Variants in DMP1 observed in about 807,000 individuals in gnomAD.
The protein encoded by DMP1 is dentin matrix acidic phosphoprotein 1.
A neutral mutation model predicts 14.6 loss-of-function variants in DMP1; 20 were observed. The ratio of observed to expected loss-of-function variants is 1.37; its 90% CI spans 0.96 to 1.99. The LOEUF (loss-of-function observed/expected upper bound fraction) is 1.99. Ranked by LOEUF, DMP1 falls within the 30% of genes most tolerant of loss-of-function variation. The pLI is 0.00. For missense variants in DMP1, 567 were observed against 620.5 expected (o/e 0.91, Z 0.92); for synonymous variants, 197 against 215.3 (o/e 0.91, Z 0.75).
At position 87,662,909 on chromosome 4, in the gene DMP1, C is replaced by A; in HGVS notation, c.1131C>A (p.Asp377Glu). Residue 377 changes from aspartate (D) to glutamate (E), a missense_variant, in exon 6 of 6, where the codon GAC (aspartate) becomes GAA (glutamate). Asp to Glu is a conservative substitution (Grantham distance 45). Coordinates refer to ENST00000339673, the MANE Select transcript of DMP1 (RefSeq NM_004407.4). Reference protein sequence around the residue: ...NPDPTTSYVEDQEDSDSSEED... With the variant: ...NPDPTTSYVEEQEDSDSSEED... ...ACCCCACAACTAGTTATGTAGAAGA[C>A]CAGGAAGACAGTGACTCCAGCGAGG... 1 of 1,614,170 alleles carries A rather than the reference C, an allele frequency of 6.2e-7. No homozygotes were observed. Among genetic ancestry groups the A allele is most frequent in the Non-Finnish European group, 8.5e-7 (1 of 1,180,036 alleles).
chr4:87,664,233 TTC>T lies in DMP1; in HGVS notation c.*917_*918del, dbSNP rs886059692. 2 of 152,646 alleles carry T rather than the reference TTC, an allele frequency of 1.3e-5. No homozygotes were observed. Among genetic ancestry groups the T allele is most frequent in the Non-Finnish European group, 2.9e-5 (2 of 68,044 alleles). 9.5% of individuals were successfully genotyped at this position (152,646 alleles called of 1,614,324 possible). A position where few individuals can be genotyped will look rare whatever the true frequency, so the allele number is the denominator to read the frequency against. Reference sequence around the variant, plus strand: ...TGCGTGCAATGCTAGAAAAAAACTGTTCTCTGAGTCCTTTACAGAGCAAAATT... The same window carrying T: ...TGCGTGCAATGCTAGAAAAAAACTGTTCTGAGTCCTTTACAGAGCAAAATT... On this transcript the variant is annotated 3_prime_UTR_variant, in exon 6 of 6. Coordinates refer to ENST00000339673, the MANE Select transcript of DMP1 (RefSeq NM_004407.4).
Position 87,656,491 on chromosome 4 carries a change from C to T in DMP1, c.-2C>T, listed in dbSNP as rs1728697788. The T allele has an allele frequency of 6.2e-7, 1 of 1,603,990 alleles. No homozygotes were observed. The highest frequency in any genetic ancestry group is 8.5e-7 in the Non-Finnish European group (1 of 1,170,966). ...TTCCAGGTAGAGGTATCACACCCAA[C>T]TATGAAGATCAGCATCCTGCTCATG... On this transcript the variant is annotated 5_prime_UTR_variant, in exon 2 of 6. Coordinates refer to ENST00000339673, the MANE Select transcript of DMP1 (RefSeq NM_004407.4).
intron 5 of DMP1, 149 bp from the exon 6 acceptor site, chr4:87,661,813 G>A: frequency 7.0e-7 from 1 of 1,419,958 alleles, no homozygotes; most frequent in Admixed American, 2.1e-5. Context: ...TTTAAGCTCT[G>A]GTAGAGAGGT....
intron 2 of DMP1, among the ~76,000 whole-genome samples, 196 bp from the exon 3 acceptor site, chr4:87,656,836 T>A (rs528157814): frequency 1.3e-5 from 2 of 152,306 alleles, no homozygotes; most frequent in Non-Finnish European, 2.9e-5. Flanking sequence ...AAATCCAAAT[T>A]CTTGGACCCT....
At chr4:87,651,845 C>G (rs1451484946) in intron 1 of DMP1, among the ~76,000 whole-genome samples, 1 of 152,116 alleles carries the variant, frequency 6.6e-6, no homozygotes, top group African/African-American at 2.4e-5. Context: ...AAAAAAGAGT[C>G]TATGACTTTT....
chr4:87,658,923 G>A (rs1260754595), intron 3 of DMP1: 5 of 388,868 alleles, frequency 1.3e-5, no homozygotes, highest in Admixed American at 4.2e-5. Context: ...CCTGTGTTAC[G>A]TTTCCTCTAG....
rs1560494445 is a variant in DMP1, at chr4:87,662,710, GAGACAGCAAGGGTGACTCTCAAGA to G, written c.944_967del (p.Gly315_Lys322del). ...GACACTGGCCTCAGCCAACCCAGGA[GAGACAGCAAGGGTGACTCTCAAGA>G]AGACAGCAAGGAGAATCTGTCCCAG... On this transcript the variant is annotated inframe_deletion, in exon 6 of 6. Coordinates refer to ENST00000339673, the MANE Select transcript of DMP1 (RefSeq NM_004407.4). 6.2e-7 allele frequency: 1 copy of G among 1,614,150 alleles called. No individual in the cohort carries two copies.
rs1728718888 is a variant in DMP1 at position 87,657,030 on chromosome 4, A to G, written c.55-2A>G. ...ATTTACCATGTGTACTAAATTTTCT[A>G]GGTAACCAGGTATCAAAATAATGAA... On this transcript the variant is annotated splice_acceptor_variant, in intron 2 of 5. Transcript: ENST00000339673. LOFTEE classifies it high-confidence loss of function. The G allele has an allele frequency of 9.1e-6, 14 of 1,533,728 alleles. No homozygotes were observed. Among genetic ancestry groups the G allele is most frequent in the Non-Finnish European group, 1.3e-5 (14 of 1,107,112 alleles).
intron 5 of DMP1, 144 bp from the exon 6 acceptor site, chr4:87,661,818 A>G (rs1334123327): frequency 2.1e-6 from 3 of 1,450,334 alleles, no homozygotes; most frequent in East Asian, 2.5e-5. Flanking sequence ...GCTCTGGTAG[A>G]GAGGTTATTG....
chr4:87,663,437 T>C lies in DMP1; in HGVS notation c.*117T>C. The C allele has an allele frequency of 1.3e-6, 2 of 1,514,912 alleles. No homozygotes were observed. Among genetic ancestry groups the C allele is most frequent in the South Asian group, 2.3e-5 (2 of 87,548 alleles). The allele number at this position is 1,514,912 out of a possible 1,614,324, so 93.8% of individuals were successfully genotyped here. ...CAAAAGAATAACCAGATGCCATATTTTTCCTGAAAGGAATTGCTGGACATT... is the reference window on the plus strand; with the variant it reads ...CAAAAGAATAACCAGATGCCATATTCTTCCTGAAAGGAATTGCTGGACATT... On this transcript the variant is annotated 3_prime_UTR_variant, in exon 6 of 6. Transcript: ENST00000339673.
Position 87,663,388 on chromosome 4 carries a change from A to C in DMP1, c.*68A>C. On this transcript the variant is annotated 3_prime_UTR_variant, in exon 6 of 6. Transcript: ENST00000339673. ...AGGGACTTGAAAATGTATCATGATA[A>C]CTATAATTTATTGATGTTTTGATCA... The C allele has an allele frequency of 6.2e-7, 1 of 1,608,486 alleles. No individual in the cohort carries two copies. Among genetic ancestry groups the C allele is most frequent in the Non-Finnish European group, 8.5e-7 (1 of 1,175,942 alleles).
intron 1 of DMP1, among the ~76,000 whole-genome samples, chr4:87,655,270 C>T (rs959954721): frequency 6.6e-6 from 1 of 152,122 alleles, no homozygotes; most frequent in Non-Finnish European, 1.5e-5. Context: ...AATTGCGTTC[C>T]TTAAACCATT....
At chr4:87,656,946 A>G in intron 2 of DMP1, 86 bp from the exon 3 acceptor site, 1 of 850,360 alleles carries the variant, frequency 1.2e-6, no homozygotes, top group East Asian at 2.4e-5. Context: ...AAATTTGACT[A>G]TCCCTACTCC....
rs149078199 is a variant in DMP1 at position 87,662,412 on chromosome 4, G to A, written c.634G>A (p.Asp212Asn). The A allele has an allele frequency of 3.0e-4, 485 of 1,614,062 alleles. No homozygotes were observed. Among genetic ancestry groups the A allele is most frequent in the Non-Finnish European group, 3.9e-4 (464 of 1,180,044 alleles). The change falls in exon 6 of 6, where the codon GAT (aspartate) becomes AAT (asparagine). Residue 212 changes from aspartate (D) to asparagine (N), a missense_variant. By Grantham distance (23) the Asp-to-Asn change is conservative. Coordinates refer to ENST00000339673, the MANE Select transcript of DMP1 (RefSeq NM_004407.4). ...CCATGGAGACGGCTCCGAGTTGGAC[G>A]ATGAGGGAATGCAGAGTGATGACCC... ...SSHGDGSELD[D>N]EGMQSDDPES...
rs1053943262 is a variant in DMP1 at position 87,663,290 on chromosome 4, A to G, written c.1512A>G (p.Gln504=). 6.2e-7 allele frequency: 1 copy of G among 1,614,270 alleles called. No individual in the cohort carries two copies. Among genetic ancestry groups the G allele is most frequent in the East Asian group, 2.2e-5 (1 of 44,892 alleles). Reference sequence around the variant, plus strand: ...ATCACAACAAACCCATTGGGGACCAAGATGACAATGACTGCCAAGACGGCT... The same window carrying G: ...ATCACAACAAACCCATTGGGGACCAGGATGACAATGACTGCCAAGACGGCT... ...DAYHNKPIGD[Q]DDNDCQDGY The change falls in exon 6 of 6, where the codon CAA becomes CAG. Residue 504 remains glutamine, a synonymous_variant. Transcript: ENST00000339673.
chr4:87,658,923 G>T, intron 3 of DMP1: 1 of 388,986 alleles, frequency 2.6e-6, no homozygotes, highest in Admixed American at 4.2e-5. Context: ...CCTGTGTTAC[G>T]TTTCCTCTAG....
intron 3 of DMP1, among the ~76,000 whole-genome samples, chr4:87,658,119 G>A (rs959317268): frequency 6.6e-6 from 1 of 152,208 alleles, no homozygotes; most frequent in African/African-American, 2.4e-5. Context: ...ACAATGTCTT[G>A]CTCCCTTCCA....
chr4:87,657,121 T>C (rs761554083), intron 3 of DMP1, 42 bp downstream of exon 3: 11 of 1,151,202 alleles, frequency 9.6e-6, no homozygotes, highest in Non-Finnish European at 1.4e-5. Flanking sequence ...TAATTTTAAT[T>C]TATTATGAGT....
In DMP1 at chr4:87,662,119, T is replaced by C. The variant is rs1277567374; in HGVS notation, c.341T>C (p.Phe114Ser). Residue 114 changes from phenylalanine to serine, a missense_variant, in exon 6 of 6, where the codon TTT becomes TCT. Physicochemically the swap from Phe to Ser is radical, Grantham distance 155 (BLOSUM62 -2). Transcript: ENST00000339673. ...GAAGATGACAGTGGAGATGACACCT[T>C]TGGTGACGATGACAGTGGCCCAGGG... ...DDEDDSGDDT[F>S]GDDDSGPGPK... 2 of 1,614,160 alleles carry C rather than the reference T, an allele frequency of 1.2e-6. No individual in the cohort carries two copies. Among genetic ancestry groups the C allele is most frequent in the Non-Finnish European group, 1.7e-6 (2 of 1,180,020 alleles).
Sources: allele counts gnomAD v4.1 joint callset (sites outside exome capture counted in the v4.1 genomes callset), GRCh38; gene constraint gnomAD v4.1.1; transcripts MANE v1.5; gene names NCBI Gene and HGNC (gene_info 2026-07-23, HGNC 2026-07-21).